Variants in RAPGEF2 observed in about 807,000 individuals in gnomAD.
The protein encoded by RAPGEF2 is Rap guanine nucleotide exchange factor 2, also known as PDZ domain containing guanine nucleotide exchange factor (GEF) 1.
In RAPGEF2, 54 loss-of-function variants were observed where a neutral mutation model predicts 186.7. The ratio of observed to expected loss-of-function variants is 0.29; its 90% confidence interval spans 0.23 to 0.36. The LOEUF (loss-of-function observed/expected upper bound fraction) is 0.36. Among genes scored for constraint, RAPGEF2 ranks in the 10% least tolerant of loss-of-function variants. RAPGEF2 has a pLI of 1.00. For missense variants in RAPGEF2, 1,532 were observed against 2,045.0 expected (o/e 0.75, Z 4.84); for synonymous variants, 712 against 705.9 (o/e 1.01, Z -0.14).
intron 7 of RAPGEF2, among the ~76,000 whole-genome samples, chr4:159,271,803 A>T: frequency 6.6e-6 from 1 of 152,216 alleles, no homozygotes; most frequent in Non-Finnish European, 1.5e-5. Context: ...TCCAAGCAGC[A>T]AGAATATCAT....
intron 7 of RAPGEF2, among the ~76,000 whole-genome samples, chr4:159,276,897 CAG>C (rs1317091072): frequency 6.6e-6 from 1 of 151,518 alleles, no homozygotes; most frequent in African/African-American, 2.4e-5. Context: ...AGCTGTTTCT[CAG>C]AGCAAGACTA....
chr4:159,297,149 G>A (rs1762122335), intron 7 of RAPGEF2, among the ~76,000 whole-genome samples: 2 of 152,104 alleles, frequency 1.3e-5, no homozygotes, highest in South Asian at 4.1e-4. Context: ...CATTATATAA[G>A]CCACATCTTA....
chr4:159,261,279 G>A (rs571587003), intron 7 of RAPGEF2, among the ~76,000 whole-genome samples: 11 of 150,626 alleles, frequency 7.3e-5, no homozygotes, highest in East Asian at 4.0e-4. Flanking sequence ...AGCCAGGATG[G>A]TCTCCATCTC....
In RAPGEF2 at chr4:159,345,127, A is replaced by G; in HGVS notation, c.3300A>G (p.Thr1100=). 1 of 1,614,122 alleles carries G rather than the reference A, an allele frequency of 6.2e-7. No individual in the cohort carries two copies. The change falls in exon 24 of 30, where the codon ACA becomes ACG. Residue 1100 remains threonine, a synonymous_variant. Transcript: ENST00000691494. ...RSLGSLSQGS[T]NATVLDVAQT... Reference sequence around the variant, plus strand: ...CCAGGTCTCTCAGCCAGGGTAGTACAAATGCAACAGTGCTAGATGTTGCTC... The same window carrying G: ...CCAGGTCTCTCAGCCAGGGTAGTACGAATGCAACAGTGCTAGATGTTGCTC...
intron 24 of RAPGEF2, among the ~76,000 whole-genome samples, chr4:159,345,615 C>T (rs146493494): frequency 1.6e-4 from 25 of 152,244 alleles, no homozygotes; most frequent in African/African-American, 4.8e-4. Flanking sequence ...ATGCAACAGA[C>T]GCATATATAG....
At chr4:159,132,714 A>G (rs1022877453) in intron 1 of RAPGEF2, among the ~76,000 whole-genome samples, 3 of 152,128 alleles carry the variant, frequency 2.0e-5, no homozygotes, top group Admixed American at 6.5e-5. Context: ...GTCAGAAAGA[A>G]AGGTTAAATA....
Position 159,332,690 on chromosome 4 carries a change from C to T in RAPGEF2, c.2128C>T (p.Pro710Ser), listed in dbSNP as rs780631849. 6.2e-7 allele frequency: 1 copy of T among 1,613,848 alleles called. No homozygotes were observed. The highest frequency in any genetic ancestry group is 8.5e-7 in the Non-Finnish European group (1 of 1,179,950). ...KTRISILPQK[P>S]YNDIGIGQSQ... Reference sequence around the variant, plus strand: ...TCGGATCAGTATCTTGCCACAGAAACCATACAAGTAAGCATCTGCATATGT... The same window carrying T: ...TCGGATCAGTATCTTGCCACAGAAATCATACAAGTAAGCATCTGCATATGT... The change falls in exon 17 of 30, where the codon CCA becomes TCA. Residue 710 changes from proline to serine, a missense_variant. Pro to Ser is a moderately conservative substitution (Grantham distance 74). Transcript: ENST00000691494.
chr4:159,231,526 AAT>A (rs1207709805), intron 4 of RAPGEF2, among the ~76,000 whole-genome samples: 1 of 152,150 alleles, frequency 6.6e-6, no homozygotes, highest in Admixed American at 6.5e-5. Flanking sequence ...AAGAACCTCA[AAT>A]ATATGACCAT....
chr4:159,313,125 G>A (rs1401259493), intron 8 of RAPGEF2, among the ~76,000 whole-genome samples: 1 of 151,934 alleles, frequency 6.6e-6, no homozygotes, highest in East Asian at 1.9e-4. Context: ...TCCAGCCTGG[G>A]CAACAGAGCA....
chr4:159,351,147 CA>C, intron 26 of RAPGEF2: 1 of 1,535,466 alleles, frequency 6.5e-7, no homozygotes, highest in Non-Finnish European at 8.7e-7. Context: ...AGAACAGTAA[CA>C]AGAATAACAA....
chr4:159,219,134 C>G (rs1263668928), intron 4 of RAPGEF2, among the ~76,000 whole-genome samples: 1 of 152,086 alleles, frequency 6.6e-6, no homozygotes, highest in Non-Finnish European at 1.5e-5. Flanking sequence ...ACTCTGTTCC[C>G]TAAGTCTTCT....
intron 17 of RAPGEF2, among the ~76,000 whole-genome samples, chr4:159,334,445 T>G (rs1767121712): frequency 6.6e-6 from 1 of 152,008 alleles, no homozygotes; most frequent in Admixed American, 6.6e-5. Context: ...AGACAAGATT[T>G]TGCTGTTTGG....
chr4:159,342,955 CCATGTTTCTT>C lies in RAPGEF2; in HGVS notation c.2919-23_2919-14del. On this transcript the variant is annotated splice_polypyrimidine_tract_variant and intron_variant, in intron 20 of 29. Transcript: ENST00000691494. Reference sequence around the variant, plus strand: ...ACACTATTTTACTTTAGTTGTTATACCATGTTTCTTTTTCTCCTCTCAGTGGCCTAAACCT... The same window carrying C: ...ACACTATTTTACTTTAGTTGTTATACTTTCTCCTCTCAGTGGCCTAAACCT... The C allele has an allele frequency of 6.2e-7, 1 of 1,600,670 alleles. No individual in the cohort carries two copies. The highest frequency in any genetic ancestry group is 8.6e-7 in the Non-Finnish European group (1 of 1,169,462).
intron 1 of RAPGEF2, among the ~76,000 whole-genome samples, chr4:159,106,043 AT>A (rs1424608119): frequency 6.6e-6 from 1 of 152,240 alleles, no homozygotes; most frequent in African/African-American, 2.4e-5. Flanking sequence ...ACTGTGCCAA[AT>A]AAATGAACTG....
At chr4:159,271,810 T>C (rs982731873) in intron 7 of RAPGEF2, among the ~76,000 whole-genome samples, 4 of 152,204 alleles carry the variant, frequency 2.6e-5, no homozygotes, top group Non-Finnish European at 5.9e-5. Flanking sequence ...AGCAAGAATA[T>C]CATGATCAAA....
intron 3 of RAPGEF2, among the ~76,000 whole-genome samples, chr4:159,198,278 CTTTCTTTCTTTCTTTCTTTCTTTCT>C (rs1748936661): frequency 1.7e-4 from 1 of 5,812 alleles, no homozygotes; most frequent in Admixed American, 2.3e-3. Flanking sequence ...TTCCTTCTTT[CTTTCTTTCTTTCTTTCTTTCTTTCT>C]TTCTTTCTTT....
chr4:159,308,931 A>G (rs1025545802), intron 8 of RAPGEF2, among the ~76,000 whole-genome samples: 2 of 152,160 alleles, frequency 1.3e-5, no homozygotes, highest in Non-Finnish European at 2.9e-5. Flanking sequence ...TAATAGTTGC[A>G]GAGAGTAGGA....
chr4:159,170,839 CT>C (rs1745839803), intron 1 of RAPGEF2, among the ~76,000 whole-genome samples: 1 of 144,448 alleles, frequency 6.9e-6, no homozygotes, highest in African/African-American at 2.5e-5. Flanking sequence ...GGTTCCAGGT[CT>C]TACGTTTAAG....
At chr4:159,193,966 A>G (rs1316263409) in intron 3 of RAPGEF2, among the ~76,000 whole-genome samples, 1 of 152,212 alleles carries the variant, frequency 6.6e-6, no homozygotes, top group Non-Finnish European at 1.5e-5. Context: ...CTGTTGAGGA[A>G]GGTAGAAATA....
Sources: gnomAD v4.1 joint callset for allele counts (sites outside exome capture counted in the v4.1 genomes callset) on GRCh38, gnomAD v4.1.1 for gene constraint, MANE v1.5 for transcripts, NCBI Gene and HGNC (gene_info 2026-07-23, HGNC 2026-07-21) for gene names.